TCF7L2: variants seen among roughly 807,000 people sequenced by gnomAD.
TCF7L2 encodes transcription factor 7 like 2.
TCF7L2 carries 23 observed loss-of-function variants against 77.9 expected under a neutral mutation model. That is an observed-to-expected ratio of 0.30 (90% confidence interval 0.21 to 0.42). The LOEUF is 0.42. Among genes scored for constraint, TCF7L2 ranks in the 10% least tolerant of loss-of-function variants. The pLI is 1.00. For synonymous variants in TCF7L2, 413 were observed against 340.2 expected (o/e 1.21, Z -2.36); for missense variants, 654 against 793.1 (o/e 0.82, Z 2.11).
intron 5 of TCF7L2, among the ~76,000 whole-genome samples, chr10:113,110,369 GT>G (rs55993335): frequency 0.23 from 29,008 of 126,308 alleles, 2,958 homozygotes; most frequent in Non-Finnish European, 0.27. Flanking sequence ...GTCTACTGGG[GT>G]TTTTTTTTTT....
chr10:113,050,135 C>G (rs978665564), intron 5 of TCF7L2, among the ~76,000 whole-genome samples: 6 of 152,092 alleles, frequency 3.9e-5, no homozygotes, highest in African/African-American at 9.7e-5. Context: ...GATCCTGGAC[C>G]GTGATTAAGT....
At chr10:112,970,796 C>G (rs2038071190) in intron 4 of TCF7L2, among the ~76,000 whole-genome samples, 1 of 152,178 alleles carries the variant, frequency 6.6e-6, no homozygotes, top group Non-Finnish European at 1.5e-5. Context: ...GCTCTCTTGG[C>G]TGAGCAGCAG....
At chr10:113,096,991 C>G (rs1465293113) in intron 5 of TCF7L2, among the ~76,000 whole-genome samples, 2 of 152,166 alleles carry the variant, frequency 1.3e-5, no homozygotes, top group Non-Finnish European at 2.9e-5. Flanking sequence ...GTCAGACAAG[C>G]TTAGCCTGAG....
intron 5 of TCF7L2, among the ~76,000 whole-genome samples, chr10:113,136,857 A>G (rs1398401385): frequency 6.6e-6 from 1 of 152,220 alleles, no homozygotes; most frequent in Non-Finnish European, 1.5e-5. Flanking sequence ...AGTTTTGAAC[A>G]CAATTCTTAA....
In TCF7L2 at chr10:113,007,230, C is replaced by T. The variant is rs140949509; in HGVS notation, c.451-32795C>T. Reference sequence around the variant, plus strand: ...TGGGGGCGTGTGATGCCTGCCAAGGCGCTTTCGTTCTGGGGGGTTCTGTGT... The same window carrying T: ...TGGGGGCGTGTGATGCCTGCCAAGGTGCTTTCGTTCTGGGGGGTTCTGTGT... On this transcript the variant is annotated intron_variant, in intron 4 of 13. Transcript: ENST00000627217. Among the ~76,000 whole-genome samples, 329 of 152,270 alleles carry T rather than the reference C, an allele frequency of 2.2e-3. 3 individuals carry two copies. Among genetic ancestry groups the T allele is most frequent in the African/African-American group, 6.8e-3 (281 of 41,554 alleles).
intron 5 of TCF7L2, among the ~76,000 whole-genome samples, chr10:113,081,212 A>G (rs1263979686): frequency 6.6e-6 from 1 of 152,166 alleles, no homozygotes; most frequent in African/African-American, 2.4e-5. Flanking sequence ...TAAAGAGAGG[A>G]TTACCTAGTA....
rs185340210 is a variant in TCF7L2 at position 112,976,890 on chromosome 10, A to G, written c.450+12266A>G. ...TGGCATCATCCAAACAGTGGTAACT[A>G]TGGTTGGACTGGTGTCTATTTCTAT... is the stretch of plus-strand genomic sequence containing the variant. On this transcript the variant is annotated intron_variant, in intron 4 of 13. Transcript: ENST00000627217. Among the ~76,000 whole-genome samples, 203 of 152,002 alleles carry G rather than the reference A, an allele frequency of 1.3e-3. 1 individual carries two copies. Among genetic ancestry groups the G allele is most frequent in the Non-Finnish European group, 1.9e-3 (131 of 67,984 alleles).
intron 4 of TCF7L2, among the ~76,000 whole-genome samples, chr10:112,979,276 G>A (rs1430375145): frequency 6.6e-6 from 1 of 150,974 alleles, no homozygotes; most frequent in African/African-American, 2.5e-5. Context: ...TGGAAGTGCT[G>A]GGTGTAAGTG....
chr10:113,089,370 T>C (rs750663285), intron 5 of TCF7L2: 1 of 1,607,682 alleles, frequency 6.2e-7, no homozygotes, highest in Non-Finnish European at 8.5e-7. Flanking sequence ...TCCCGAGCCT[T>C]ACTCTGTTCC....
At chr10:112,998,327 G>A (rs969315306) in intron 4 of TCF7L2, among the ~76,000 whole-genome samples, 1 of 152,056 alleles carries the variant, frequency 6.6e-6, no homozygotes, top group Admixed American at 6.5e-5. Context: ...AAATTGAATC[G>A]GACTAAAACC....
intron 4 of TCF7L2, among the ~76,000 whole-genome samples, chr10:112,992,566 TTGCGTTATCTTTACCAAG>T (rs765870537): frequency 2.0e-5 from 3 of 151,940 alleles, no homozygotes; most frequent in Non-Finnish European, 4.4e-5. Flanking sequence ...GGTGCTAAGA[TTGCGTTATCTTTACCAAG>T]TGCCCGGAGC....
chr10:113,083,013 T>C (rs2059462377), intron 5 of TCF7L2, among the ~76,000 whole-genome samples: 1 of 152,136 alleles, frequency 6.6e-6, no homozygotes. Context: ...TCTCTTTCTA[T>C]GCTCATTCTG....
intron 5 of TCF7L2, among the ~76,000 whole-genome samples, chr10:113,083,293 C>CAT (rs61637487): frequency 6.6e-6 from 1 of 151,006 alleles, no homozygotes; most frequent in Non-Finnish European, 1.5e-5. Flanking sequence ...CACACACACA[C>CAT]GTGCAAGTGT....
Position 113,167,070 on chromosome 10 carries a change from G to C in TCF7L2, c.*1098G>C, listed in dbSNP as rs1305132471. The C allele has an allele frequency of 8.7e-6, 2 of 230,560 alleles. No individual in the cohort carries two copies. The highest frequency in any genetic ancestry group is 6.2e-5 in the East Asian group (1 of 16,168). 14.3% of individuals were successfully genotyped at this position (230,560 alleles called of 1,614,324 possible). A position where few individuals can be genotyped will look rare whatever the true frequency, so the allele number is the denominator to read the frequency against. On this transcript the variant is annotated 3_prime_UTR_variant, in exon 14 of 14. Transcript: ENST00000627217. ...GGACTGACCGTGTACAAAACTTTACGTGCCAAAATTCTCAGTGAATTTAGC... is the reference window on the plus strand; with the variant it reads ...GGACTGACCGTGTACAAAACTTTACCTGCCAAAATTCTCAGTGAATTTAGC...
At chr10:113,145,978 T>TAAAAAAA in intron 7 of TCF7L2, 33 bp from the exon 8 acceptor site, 1 of 1,406,492 alleles carries the variant, frequency 7.1e-7, no homozygotes, top group Non-Finnish European at 1.0e-6. Context: ...CACCCTTGTT[T>TAAAAAAA]CAAGTCTCTT....
chr10:113,163,169 C>G (rs1446879892), intron 13 of TCF7L2, among the ~76,000 whole-genome samples: 1 of 152,184 alleles, frequency 6.6e-6, no homozygotes, highest in Non-Finnish European at 1.5e-5. Flanking sequence ...CCAGATACCC[C>G]TCTCATTCCT....
chr10:113,058,765 TAGAG>T (rs1280498886), intron 5 of TCF7L2, among the ~76,000 whole-genome samples: 2 of 151,836 alleles, frequency 1.3e-5, no homozygotes, highest in Non-Finnish European at 2.9e-5. Context: ...CAGTGGGAAA[TAGAG>T]AGACCCGCAA....
chr10:112,961,069 C>T (rs887676107), intron 3 of TCF7L2, among the ~76,000 whole-genome samples: 2 of 150,210 alleles, frequency 1.3e-5, no homozygotes, highest in Non-Finnish European at 3.0e-5. Flanking sequence ...GGCTGGAGTG[C>T]AATGCCTAGA....
chr10:113,057,657 C>T (rs1373236677), intron 5 of TCF7L2, among the ~76,000 whole-genome samples: 1 of 152,168 alleles, frequency 6.6e-6, no homozygotes, highest in Non-Finnish European at 1.5e-5. Context: ...ACAGGATGTG[C>T]CACATTCCAG....
Sources: gnomAD v4.1 joint callset for allele counts (sites outside exome capture counted in the v4.1 genomes callset) on GRCh38, gnomAD v4.1.1 for gene constraint, MANE v1.5 for transcripts, NCBI Gene and HGNC (gene_info 2026-07-23, HGNC 2026-07-21) for gene names.